The following ACSL1 variants were observed in gnomAD, a reference collection of about 807,000 sequenced individuals.
ACSL1 encodes the protein acyl-CoA synthetase long chain family member 1, also known as long-chain-fatty-acid--CoA ligase 1.
In ACSL1, 41 loss-of-function variants were observed where a neutral mutation model predicts 98.4. That is an observed-to-expected ratio of 0.42 (90% CI 0.32 to 0.54). ACSL1 has a LOEUF of 0.54. Among genes scored for constraint, ACSL1 ranks in the 20% least tolerant of loss-of-function variants. The pLI is 0.13. For missense variants in ACSL1, 734 were observed against 883.1 expected (o/e 0.83, Z 2.14); for synonymous variants, 316 against 322.7 (o/e 0.98, Z 0.22).
chr4:184,762,139 A>AC (rs1762949380), intron 17 of ACSL1, among the ~76,000 whole-genome samples: 1 of 152,054 alleles, frequency 6.6e-6, no homozygotes, highest in Non-Finnish European at 1.5e-5. Flanking sequence ...CTCAAAAAAA[A>AC]AAAACCCCAA....
intron 18 of ACSL1, 38 bp downstream of exon 18, chr4:184,760,319 G>C: frequency 1.2e-6 from 2 of 1,610,666 alleles, no homozygotes; most frequent in African/African-American, 2.7e-5. Flanking sequence ...CAATGGCAAT[G>C]TGTATGCAGC....
At chr4:184,785,894 C>T (rs1389360332) in intron 3 of ACSL1, among the ~76,000 whole-genome samples, 1 of 152,196 alleles carries the variant, frequency 6.6e-6, no homozygotes, top group Non-Finnish European at 1.5e-5. Context: ...TGCACGTTCT[C>T]CTCACATCTA....
intron 1 of ACSL1, chr4:184,821,051 A>G (rs1773031371): frequency 2.2e-6 from 1 of 456,194 alleles, no homozygotes; most frequent in Non-Finnish European, 4.4e-6. Context: ...CAGTAAGGAT[A>G]GCAGCAGGAC....
At position 184,760,296 on chromosome 4, in the gene ACSL1, C is replaced by T. The variant is rs114228112; in HGVS notation, c.1782+61G>A. 1.9e-3 allele frequency: 3,052 copies of T among 1,581,996 alleles called. 65 individuals are homozygous for T. The African/African-American group carries it at 0.036, about 18-fold the overall frequency. On this transcript the variant is annotated intron_variant, in intron 18 of 20. Coordinates refer to ENST00000281455, the MANE Select transcript of ACSL1 (RefSeq NM_001995.5). ...AAACTTCCAATCACATTTAAAGCCCCTGGAGTACCAGGCAATGGCAATGTG... is the reference window on the plus strand; with the variant it reads ...AAACTTCCAATCACATTTAAAGCCCTTGGAGTACCAGGCAATGGCAATGTG...
intron 2 of ACSL1, among the ~76,000 whole-genome samples, chr4:184,797,139 T>C (rs1046079531): frequency 6.7e-6 from 1 of 150,254 alleles, no homozygotes; most frequent in Non-Finnish European, 1.5e-5. Context: ...CGTGTAATCC[T>C]GCCCAGATCA....
Position 184,756,010 on chromosome 4 carries a change from T to G in ACSL1, c.*1115A>C, listed in dbSNP as rs1202962359. The G allele has an allele frequency of 6.6e-6, 1 of 152,308 alleles. No homozygotes were observed. Among genetic ancestry groups the G allele is most frequent in the African/African-American group, 2.4e-5 (1 of 41,454 alleles). 9.4% of individuals were successfully genotyped at this position (152,308 alleles called of 1,614,324 possible). On this transcript the variant is annotated 3_prime_UTR_variant, in exon 21 of 21. Coordinates refer to ENST00000281455, the MANE Select transcript of ACSL1 (RefSeq NM_001995.5). ...TTTCCAGATTTCTACATCCTAGAAT[T>G]TTGGCTTGTCAAACACATTTCATAG... is the stretch of plus-strand genomic sequence containing the variant.
Position 184,803,499 on chromosome 4 carries a change from G to A in ACSL1, c.16C>T (p.Leu6=). ...TCTGGCATTCGAAAATACCGGAACA[G>A]CTCATGGGCTTGCATTGTCCTGTGT... MQAHE[L]FRYFRMPELV... Residue 6 remains leucine (L), a synonymous_variant, in exon 2 of 21, where the codon CTG becomes TTG. Coordinates refer to ENST00000281455, the MANE Select transcript of ACSL1 (RefSeq NM_001995.5). This position sits in a 1 kb window ranked among gnomAD's most constrained non-coding sequence, Gnocchi z 4.8. 6.3e-7 allele frequency: 1 copy of A among 1,593,898 alleles called. No homozygotes were observed. The highest frequency in any genetic ancestry group is 8.6e-7 in the Non-Finnish European group (1 of 1,168,788).
intron 2 of ACSL1, among the ~76,000 whole-genome samples, chr4:184,801,540 AC>A (rs997123491): frequency 3.3e-5 from 5 of 152,218 alleles, no homozygotes; most frequent in African/African-American, 1.2e-4. Flanking sequence ...CTAGGTGTCC[AC>A]AGGATGATGC....
Position 184,766,566 on chromosome 4 carries a change from A to G in ACSL1, c.1263+56T>C. On this transcript the variant is annotated intron_variant, in intron 13 of 20. Coordinates refer to ENST00000281455, the MANE Select transcript of ACSL1 (RefSeq NM_001995.5). The surrounding 1 kb of genome is among the most constrained non-coding windows in gnomAD (Gnocchi z 4.8). ...CTCTCACAAAAAAGGCCCTCCCAGAACTCTGAAAAGCGAAGTCGGTTTCCA... is the reference window on the plus strand; with the variant it reads ...CTCTCACAAAAAAGGCCCTCCCAGAGCTCTGAAAAGCGAAGTCGGTTTCCA... 1 of 1,585,198 alleles carries G rather than the reference A, an allele frequency of 6.3e-7. No individual in the cohort carries two copies. Among genetic ancestry groups the G allele is most frequent in the Middle Eastern group, 1.9e-4 (1 of 5,308 alleles).
intron 4 of ACSL1, among the ~76,000 whole-genome samples, chr4:184,783,409 C>T (rs1248720860): frequency 6.6e-6 from 1 of 152,140 alleles, no homozygotes; most frequent in Non-Finnish European, 1.5e-5. Flanking sequence ...GTGAGTTGGC[C>T]AAGGACAGCT....
intron 4 of ACSL1, among the ~76,000 whole-genome samples, chr4:184,783,555 T>C (rs1427451844): frequency 1.3e-5 from 2 of 152,304 alleles, no homozygotes; most frequent in South Asian, 2.1e-4. Flanking sequence ...TCCTCATCTG[T>C]GAAATGAAGA....
chr4:184,764,779 T>C (rs1763333670), intron 15 of ACSL1, 74 bp downstream of exon 15: 2 of 1,357,400 alleles, frequency 1.5e-6, no homozygotes, highest in Admixed American at 2.3e-5. Context: ...AGTCAGTGAT[T>C]AACCCAATTC....
intron 7 of ACSL1, among the ~76,000 whole-genome samples, chr4:184,774,971 A>G (rs950356167): frequency 6.6e-6 from 1 of 152,212 alleles, no homozygotes; most frequent in Non-Finnish European, 1.5e-5. Context: ...AAATTCTTAC[A>G]TAACTTCTGG....
rs6831456 is a variant in ACSL1, at chr4:184,818,663, C to T, written c.-33+7253G>A. Among the ~76,000 whole-genome samples, 852 of 152,262 alleles carry T rather than the reference C, an allele frequency of 5.6e-3. 9 individuals are homozygous for T. Among genetic ancestry groups the T allele is most frequent in the African/African-American group, 0.019 (803 of 41,552 alleles). Reference sequence around the variant, plus strand: ...GCCCTGTATTAAACGCTGCTGAAAACACAGAGATGACAATGACTAGGTCTC... The same window carrying T: ...GCCCTGTATTAAACGCTGCTGAAAATACAGAGATGACAATGACTAGGTCTC... On this transcript the variant is annotated intron_variant, in intron 1 of 20. Transcript: ENST00000281455.
chr4:184,783,659 G>A (rs1205752965), intron 4 of ACSL1, among the ~76,000 whole-genome samples: 2 of 152,184 alleles, frequency 1.3e-5, no homozygotes, highest in Non-Finnish European at 2.9e-5. Flanking sequence ...AGAGTTTCTA[G>A]AATTTTATCT....
chr4:184,763,650 C>G (rs1763173956), intron 15 of ACSL1, among the ~76,000 whole-genome samples: 1 of 152,206 alleles, frequency 6.6e-6, no homozygotes, highest in Non-Finnish European at 1.5e-5. Context: ...GAAGAGAGAA[C>G]ATATGCAGCT....
intron 7 of ACSL1, among the ~76,000 whole-genome samples, chr4:184,774,925 A>G (rs1765060327): frequency 6.6e-6 from 1 of 152,232 alleles, no homozygotes; most frequent in Non-Finnish European, 1.5e-5. Context: ...TTTCAAAATA[A>G]CCTTTATTAG....
intron 10 of ACSL1, among the ~76,000 whole-genome samples, chr4:184,772,414 A>G (rs374144110): frequency 1.7e-4 from 26 of 152,244 alleles, no homozygotes; most frequent in East Asian, 7.7e-4. Flanking sequence ...TAAATGTAAA[A>G]AAGAGTATAA....
chr4:184,813,704 A>G (rs934957078), intron 1 of ACSL1: 59 of 356,926 alleles, frequency 1.7e-4, no homozygotes, highest in African/African-American at 1.1e-3. Context: ...AAGACTCTTC[A>G]CCTTACTGGA....
Sources: allele counts gnomAD v4.1 joint callset (sites outside exome capture counted in the v4.1 genomes callset), GRCh38; gene constraint gnomAD v4.1.1; non-coding constraint Gnocchi (gnomAD v3.1); transcripts MANE v1.5; gene names NCBI Gene and HGNC (gene_info 2026-07-23, HGNC 2026-07-21).